FCHSD2: variants seen among roughly 807,000 people sequenced by gnomAD.
FCHSD2 encodes F-BAR and double SH3 domains protein 2.
In FCHSD2, 38 loss-of-function variants were observed where a neutral mutation model predicts 108.1. The observed-to-expected ratio is 0.35, with a 90% CI of 0.27 to 0.46. The LOEUF is 0.46. Among genes scored for constraint, FCHSD2 ranks in the 20% least tolerant of loss-of-function variants. The pLI is 1.00. For missense variants in FCHSD2, 751 were observed against 897.8 expected (o/e 0.84, Z 2.09); for synonymous variants, 279 against 314.7 (o/e 0.89, Z 1.20).
rs376083184 is a variant in FCHSD2, at chr11:72,868,049, G to A, written c.1147-23C>T. 19 of 1,544,130 alleles carry A rather than the reference G, an allele frequency of 1.2e-5. No individual in the cohort carries two copies. The Admixed American group carries it at 1.4e-4, about 12-fold the overall frequency. Reference sequence around the variant, plus strand: ...TATCTAGAGAACCAAGAAAATGGTCGGAAATCAAGGCTTTTATTATTCACA... The same window carrying A: ...TATCTAGAGAACCAAGAAAATGGTCAGAAATCAAGGCTTTTATTATTCACA... On this transcript the variant is annotated intron_variant, in intron 12 of 19. Transcript: ENST00000409418.
chr11:72,996,667 A>G (rs953480682), intron 5 of FCHSD2, among the ~76,000 whole-genome samples: 1 of 152,226 alleles, frequency 6.6e-6, no homozygotes, highest in African/African-American at 2.4e-5. Flanking sequence ...TTAAAAAAAC[A>G]TGAACTTTAA....
At chr11:72,906,971 T>C (rs1480341758) in intron 9 of FCHSD2, among the ~76,000 whole-genome samples, 1 of 152,178 alleles carries the variant, frequency 6.6e-6, no homozygotes, top group Non-Finnish European at 1.5e-5. Flanking sequence ...AACTCAGTGG[T>C]AGCTTGATGG....
At chr11:73,048,390 A>G (rs776189368) in intron 3 of FCHSD2, among the ~76,000 whole-genome samples, 12 of 152,352 alleles carry the variant, frequency 7.9e-5, no homozygotes, top group Non-Finnish European at 1.6e-4. Flanking sequence ...TAATTCCTGC[A>G]AAACAGAATG....
At chr11:73,053,405 G>GA (rs1351921083) in intron 3 of FCHSD2, among the ~76,000 whole-genome samples, 2 of 151,964 alleles carry the variant, frequency 1.3e-5, no homozygotes, top group South Asian at 2.1e-4. Context: ...AATGAATTCT[G>GA]AAAAAAATCA....
rs185024886 is a variant in FCHSD2 at position 72,940,626 on chromosome 11, C to T, written c.706-18676G>A. The T allele has an allele frequency of 5.2e-3, 7,556 of 1,442,340 alleles. 42 individuals carry two copies. The highest frequency in any genetic ancestry group is 0.011 in the Middle Eastern group (55 of 4,806). The allele number at this position is 1,442,340 out of a possible 1,614,324, so 89.3% of individuals were successfully genotyped here. The stretch of plus-strand genomic sequence containing the variant: ...CTCTCCACAGGGCTCCCCGCCCCAC[C>T]CAGCCTGATAAAGCGCGCCGACCAG... On this transcript the variant is annotated intron_variant, in intron 8 of 19. Transcript: ENST00000409418.
intron 8 of FCHSD2, among the ~76,000 whole-genome samples, chr11:72,983,060 T>C (rs906922379): frequency 3.9e-4 from 59 of 152,032 alleles, no homozygotes; most frequent in African/African-American, 1.2e-3. Context: ...TTTGGGAGGC[T>C]GAGGCGGGCG....
At chr11:72,941,155 A>G (rs527442516) in intron 8 of FCHSD2, 149 of 404,748 alleles carry the variant, frequency 3.7e-4, no homozygotes, top group Admixed American at 9.4e-4. Flanking sequence ...AATTTAGGAC[A>G]GTCAAAAAAA....
intron 8 of FCHSD2, among the ~76,000 whole-genome samples, chr11:72,922,808 C>T (rs573201152): frequency 2.6e-5 from 4 of 152,076 alleles, no homozygotes; most frequent in Non-Finnish European, 4.4e-5. Context: ...ATATAAGTCA[C>T]CATTTTAATA....
At chr11:73,011,977 T>A (rs1857873564) in intron 4 of FCHSD2, among the ~76,000 whole-genome samples, 1 of 152,138 alleles carries the variant, frequency 6.6e-6, no homozygotes, top group Non-Finnish European at 1.5e-5. Context: ...CCCTCCAATA[T>A]CAACATTTTA....
At chr11:72,869,590 G>A (rs1234898602) in intron 12 of FCHSD2, 2 of 152,218 alleles carry the variant, frequency 1.3e-5, no homozygotes, top group East Asian at 3.9e-4. Flanking sequence ...CTTGCATAGG[G>A]GCCATGCTAA....
intron 10 of FCHSD2, 62 bp from the exon 11 acceptor site, chr11:72,890,007 T>G (rs1442858840): frequency 7.9e-6 from 8 of 1,010,062 alleles, no homozygotes; most frequent in Non-Finnish European, 1.2e-5. Flanking sequence ...CACTACTGCT[T>G]TGTAGATGGA....
At chr11:73,134,371 G>T (rs1861074022) in intron 2 of FCHSD2, among the ~76,000 whole-genome samples, 1 of 152,058 alleles carries the variant, frequency 6.6e-6, no homozygotes, top group Admixed American at 6.5e-5. Flanking sequence ...TCAGGAGGCT[G>T]AGGTAGAAGG....
chr11:72,919,721 AC>A (rs1414248522), intron 9 of FCHSD2, among the ~76,000 whole-genome samples: 15 of 152,344 alleles, frequency 9.8e-5, no homozygotes, highest in Non-Finnish European at 1.9e-4. Context: ...TTGGAAAAAA[AC>A]ATTTCAAAGA....
chr11:72,951,547 G>A (rs1320566113), intron 8 of FCHSD2, among the ~76,000 whole-genome samples: 2 of 152,144 alleles, frequency 1.3e-5, no homozygotes, highest in South Asian at 4.1e-4. Flanking sequence ...CTGTGGGATT[G>A]TAAAATTTAT....
rs549207005 is a variant in FCHSD2, at chr11:72,988,892, T to C, written c.521+72A>G. ...AGAATGGGTCCATGCTCACTACTAA[T>C]AGAGAACAAACTATTAGCAACAATA... On this transcript the variant is annotated intron_variant, in intron 6 of 19. Transcript: ENST00000409418. The C allele has an allele frequency of 1.2e-4, 157 of 1,351,416 alleles. 1 individual carries two copies. The African/African-American group carries it at 1.9e-3, about 16-fold the overall frequency. 83.7% of individuals were successfully genotyped at this position (1,351,416 alleles called of 1,614,324 possible). A position where few individuals can be genotyped will look rare whatever the true frequency, so the allele number is the denominator to read the frequency against.
intron 9 of FCHSD2, among the ~76,000 whole-genome samples, chr11:72,908,968 T>C (rs1436114831): frequency 6.6e-6 from 1 of 152,104 alleles, no homozygotes; most frequent in Non-Finnish European, 1.5e-5. Context: ...CTGCTATTTA[T>C]ATGTCCTTTT....
chr11:73,031,780 C>T (rs1858367218), intron 3 of FCHSD2, among the ~76,000 whole-genome samples: 1 of 152,218 alleles, frequency 6.6e-6, no homozygotes, highest in Non-Finnish European at 1.5e-5. Flanking sequence ...AGGTAACCAA[C>T]ACAAATCAGG....
chr11:72,927,549 A>C (rs1856100482), intron 8 of FCHSD2, among the ~76,000 whole-genome samples: 1 of 152,150 alleles, frequency 6.6e-6, no homozygotes, highest in Admixed American at 6.5e-5. Context: ...AAACTGCTCT[A>C]AACAATAAAG....
chr11:73,035,881 C>T (rs1488451065), intron 3 of FCHSD2, among the ~76,000 whole-genome samples: 1 of 151,852 alleles, frequency 6.6e-6, no homozygotes, highest in Non-Finnish European at 1.5e-5. Context: ...CCACCACACC[C>T]AGCTAATTTT....
Sources: allele counts gnomAD v4.1 joint callset (sites outside exome capture counted in the v4.1 genomes callset), GRCh38; gene constraint gnomAD v4.1.1; transcripts MANE v1.5; gene names NCBI Gene and HGNC (gene_info 2026-07-23, HGNC 2026-07-21).